Variants in SEMA3A observed in about 807,000 individuals in gnomAD.
SEMA3A encodes semaphorin-3A.
In SEMA3A, 29 loss-of-function variants were observed where a neutral mutation model predicts 97.9. The ratio of observed to expected loss-of-function variants is 0.30; its 90% CI spans 0.22 to 0.40. The LOEUF is 0.40. Ranked by LOEUF, SEMA3A falls within the 10% of genes least tolerant of loss-of-function variation. SEMA3A has a pLI of 1.00. For synonymous variants in SEMA3A, 321 were observed against 323.7 expected, an observed-to-expected ratio of 0.99 and a Z score of 0.09; for missense variants, 763 against 951.3, an observed-to-expected ratio of 0.80 and a Z score of 2.60.
At chr7:84,365,927 TATC>T (rs1220245373) in intron 2 of SEMA3A, among the ~76,000 whole-genome samples, 1 of 151,448 alleles carries the variant, frequency 6.6e-6, no homozygotes, top group African/African-American at 2.4e-5. Context: ...ATTTAAATTA[TATC>T]ATAATTTACA....
intron 15 of SEMA3A, among the ~76,000 whole-genome samples, chr7:83,976,171 G>GAAAGT (rs1348968352): frequency 1.3e-5 from 2 of 152,102 alleles, no homozygotes; most frequent in African/African-American, 4.8e-5. Context: ...CTGAATTTTA[G>GAAAGT]AAAGTAAGTT....
intron 11 of SEMA3A, among the ~76,000 whole-genome samples, chr7:84,002,624 T>A (rs769010103): frequency 6.6e-6 from 1 of 152,196 alleles, no homozygotes; most frequent in Non-Finnish European, 1.5e-5. Context: ...AAGTTCCTAA[T>A]GATGGCTCAA....
At chr7:84,232,041 CAT>C (rs1242093526) in intron 3 of SEMA3A, among the ~76,000 whole-genome samples, 1 of 151,082 alleles carries the variant, frequency 6.6e-6, no homozygotes, top group African/African-American at 2.4e-5. Context: ...TATATGTATG[CAT>C]GTGTGTGTGT....
chr7:84,287,669 T>G (rs909039256), intron 3 of SEMA3A, among the ~76,000 whole-genome samples: 8 of 152,174 alleles, frequency 5.3e-5, no homozygotes, highest in Admixed American at 1.3e-4. Flanking sequence ...TGTGTATTAC[T>G]TGGAGGAAAA....
intron 5 of SEMA3A, among the ~76,000 whole-genome samples, chr7:84,055,276 G>T (rs1324958888): frequency 6.6e-6 from 1 of 152,186 alleles, no homozygotes; most frequent in Non-Finnish European, 1.5e-5. Flanking sequence ...ATCAAGCCTG[G>T]GCAATGGCGG....
intron 2 of SEMA3A, among the ~76,000 whole-genome samples, chr7:84,361,358 T>C (rs1802714504): frequency 6.6e-6 from 1 of 151,972 alleles, no homozygotes; most frequent in Non-Finnish European, 1.5e-5. Context: ...AAACCAGTTA[T>C]TATAATATTC....
At chr7:84,029,275 A>G (rs1405863603) in intron 6 of SEMA3A, among the ~76,000 whole-genome samples, 2 of 152,210 alleles carry the variant, frequency 1.3e-5, no homozygotes, top group East Asian at 1.9e-4. Context: ...ACAATTCTTC[A>G]ATATTTCAAT....
intron 3 of SEMA3A, among the ~76,000 whole-genome samples, chr7:84,288,915 C>A (rs181039136): frequency 6.6e-6 from 1 of 152,128 alleles, no homozygotes; most frequent in East Asian, 1.9e-4. Context: ...ACACTCCTCC[C>A]ATGTTTATTG....
chr7:84,490,237 A>T (rs1222372632), intron 1 of SEMA3A, among the ~76,000 whole-genome samples: 1 of 151,538 alleles, frequency 6.6e-6, no homozygotes, highest in African/African-American at 2.4e-5. Flanking sequence ...GAAAGACTAT[A>T]ACACCACCAC....
chr7:84,451,532 C>CT, intron 1 of SEMA3A, among the ~76,000 whole-genome samples: 1 of 152,250 alleles, frequency 6.6e-6, no homozygotes, highest in Admixed American at 6.5e-5. Context: ...ATAGTGATGA[C>CT]TTTTATAGAG....
At chr7:84,285,385 C>CACATAT in intron 3 of SEMA3A, among the ~76,000 whole-genome samples, 1 of 152,108 alleles carries the variant, frequency 6.6e-6, no homozygotes, top group South Asian at 2.1e-4. Flanking sequence ...AAAATATGTG[C>CACATAT]ACATATACAT....
chr7:84,207,130 T>A (rs1798513128), intron 3 of SEMA3A, among the ~76,000 whole-genome samples: 1 of 152,248 alleles, frequency 6.6e-6, no homozygotes, highest in Non-Finnish European at 1.5e-5. Flanking sequence ...ATTCGTCTTG[T>A]AGCACTGCTT....
At chr7:84,267,654 G>T (rs376042923) in intron 3 of SEMA3A, among the ~76,000 whole-genome samples, 23 of 142,334 alleles carry the variant, frequency 1.6e-4, no homozygotes, top group Admixed American at 4.1e-4. Context: ...TGATTTTGTG[G>T]CTGTGTGTGC....
At chr7:84,213,175 C>T (rs1242996834) in intron 3 of SEMA3A, among the ~76,000 whole-genome samples, 1 of 152,082 alleles carries the variant, frequency 6.6e-6, no homozygotes, top group Non-Finnish European at 1.5e-5. Flanking sequence ...TGGTGTTTCT[C>T]CATGTTGGTC....
intron 2 of SEMA3A, among the ~76,000 whole-genome samples, chr7:84,322,677 C>A (rs1206117318): frequency 6.6e-6 from 1 of 152,216 alleles, no homozygotes; most frequent in Non-Finnish European, 1.5e-5. Context: ...GTCATTTAAA[C>A]TTCCTTCCTT....
intron 1 of SEMA3A, among the ~76,000 whole-genome samples, chr7:84,150,391 C>A (rs557862006): frequency 1.3e-5 from 2 of 152,108 alleles, no homozygotes; most frequent in Non-Finnish European, 2.9e-5. Context: ...GCACACTGTG[C>A]GCGAGCCGAA....
chr7:84,234,927 G>T (rs1799198095), intron 3 of SEMA3A, among the ~76,000 whole-genome samples: 2 of 151,950 alleles, frequency 1.3e-5, no homozygotes, highest in African/African-American at 2.4e-5. Context: ...TATTACAGAT[G>T]AATTCTAACT....
chr7:84,301,510 A>G (rs1002291495), intron 3 of SEMA3A, among the ~76,000 whole-genome samples: 19 of 152,178 alleles, frequency 1.2e-4, no homozygotes, highest in Non-Finnish European at 1.5e-5. Flanking sequence ...CAGTTATCAG[A>G]CATATGCAAA....
At chr7:84,030,519 G>T (rs1791702692) in intron 6 of SEMA3A, among the ~76,000 whole-genome samples, 1 of 82,034 alleles carries the variant, frequency 1.2e-5, no homozygotes, top group South Asian at 3.6e-4. Flanking sequence ...GTACAGGCAT[G>T]ATTTAAATCT....
Sources: gnomAD v4.1 joint callset for allele counts (sites outside exome capture counted in the v4.1 genomes callset) on GRCh38, gnomAD v4.1.1 for gene constraint, MANE v1.5 for transcripts, NCBI Gene and HGNC (gene_info 2026-07-23, HGNC 2026-07-21) for gene names.